PCDHGB7: variants seen among roughly 807,000 people sequenced by gnomAD.
PCDHGB7 encodes the protein protocadherin gamma subfamily B, 7.
PCDHGB7 carries 37 observed loss-of-function variants against 61.4 expected under a neutral mutation model. The ratio of observed to expected loss-of-function variants is 0.60; its 90% CI spans 0.46 to 0.79. The LOEUF (loss-of-function observed/expected upper bound fraction) is 0.79, where lower values mean the gene tolerates loss of function less well. Ranked by LOEUF, PCDHGB7 falls within the 30% of genes least tolerant of loss-of-function variation. PCDHGB7 has a pLI of 0.00. For missense variants in PCDHGB7, 1,166 were observed against 1,202.5 expected (o/e 0.97, Z 0.45); for synonymous variants, 464 against 503.5 (o/e 0.92, Z 1.05).
At chr5:141,423,501 C>T (rs2096747990) in intron 1 of PCDHGB7, 1 of 1,613,990 alleles carries the variant, frequency 6.2e-7, no homozygotes, top group Non-Finnish European at 8.5e-7. Context: ...CCCACGAGGT[C>T]TCTCTCATTG....
chr5:141,433,259 T>C (rs776486704), intron 1 of PCDHGB7: 3 of 1,380,658 alleles, frequency 2.2e-6, no homozygotes, highest in Non-Finnish European at 3.0e-6. Flanking sequence ...AGCGGTACGA[T>C]CATAGCTCAC....
At chr5:141,436,074 G>A (rs1048063491) in intron 1 of PCDHGB7, among the ~76,000 whole-genome samples, 3 of 152,058 alleles carry the variant, frequency 2.0e-5, no homozygotes, top group Non-Finnish European at 4.4e-5. Context: ...TAAGTACAGT[G>A]TTCTATAGGT....
In PCDHGB7 at chr5:141,493,511, T is replaced by G. The variant is rs1203329648; in HGVS notation, c.2416-1296T>G. Among the ~76,000 whole-genome samples the G allele has an allele frequency of 6.6e-6, 1 of 152,094 alleles. No individual in the cohort carries two copies. Reference sequence around the variant, plus strand: ...TCTGTGGCTCCTCATTTCTGAGCAGTCCCCGCAGCGCAAACTTGGCCAGTT... The same window carrying G: ...TCTGTGGCTCCTCATTTCTGAGCAGGCCCCGCAGCGCAAACTTGGCCAGTT... On this transcript the variant is annotated intron_variant, in intron 1 of 3. Coordinates refer to ENST00000398594, the MANE Select transcript of PCDHGB7 (RefSeq NM_018927.4). This position sits in a 1 kb window ranked among gnomAD's most constrained non-coding sequence, Gnocchi z 4.3.
In PCDHGB7 at chr5:141,489,087, T is replaced by A. The variant is rs2099682381; in HGVS notation, c.2416-5720T>A. ...CCCCCTGCCCACCCCCGCCACTCGG[T>A]GACTAAGAACTGCTGCAAGCAGGCA... is the stretch of plus-strand genomic sequence containing the variant. On this transcript the variant is annotated intron_variant, in intron 1 of 3. Coordinates refer to ENST00000398594, the MANE Select transcript of PCDHGB7 (RefSeq NM_018927.4). This position sits in a 1 kb window ranked among gnomAD's most constrained non-coding sequence, Gnocchi z 4.5. The A allele has an allele frequency of 4.6e-6, 1 of 216,106 alleles. No individual in the cohort carries two copies. Among genetic ancestry groups the A allele is most frequent in the Non-Finnish European group, 8.4e-6 (1 of 118,734 alleles). 13.4% of individuals were successfully genotyped at this position (216,106 alleles called of 1,614,324 possible). A position where few individuals can be genotyped will look rare whatever the true frequency, so the allele number is the denominator to read the frequency against.
At chr5:141,482,768 CTGA>C (rs2099572195) in intron 1 of PCDHGB7, among the ~76,000 whole-genome samples, 1 of 126,868 alleles carries the variant, frequency 7.9e-6, no homozygotes, top group Admixed American at 7.7e-5. Flanking sequence ...TTCATTATCA[CTGA>C]ACCTTAAACT....
At chr5:141,457,537 T>A (rs967428207) in intron 1 of PCDHGB7, among the ~76,000 whole-genome samples, 2 of 152,228 alleles carry the variant, frequency 1.3e-5, no homozygotes, top group Admixed American at 6.5e-5. Flanking sequence ...TAGGGTTTAA[T>A]GACAAATGTA....
intron 3 of PCDHGB7, among the ~76,000 whole-genome samples, chr5:141,506,132 G>T (rs114930087): frequency 1.2e-4 from 18 of 152,310 alleles, no homozygotes; most frequent in African/African-American, 4.3e-4. Context: ...CAGAGCAGGA[G>T]AAGAAGAATA....
intron 1 of PCDHGB7, chr5:141,421,412 A>T (rs375885183): frequency 4.3e-6 from 7 of 1,613,962 alleles, no homozygotes; most frequent in Non-Finnish European, 5.9e-6. Context: ...GAGCTGGCGA[A>T]GCGCGGAGTC....
chr5:141,459,843 T>C (rs1328781794), intron 1 of PCDHGB7, among the ~76,000 whole-genome samples: 1 of 152,228 alleles, frequency 6.6e-6, no homozygotes, highest in African/African-American at 2.4e-5. Context: ...TGTCTATTTG[T>C]ATATCTTCTT....
chr5:141,494,749 G>C (rs573811540), intron 1 of PCDHGB7, 58 bp from the exon 2 acceptor site: 3 of 1,612,818 alleles, frequency 1.9e-6, no homozygotes, highest in South Asian at 2.2e-5. Context: ...CTAGGGGCTC[G>C]GGTGACATTC....
chr5:141,419,853 C>A lies in PCDHGB7; in HGVS notation c.1994C>A (p.Ala665Glu), dbSNP rs1327953878. The A allele has an allele frequency of 1.9e-6, 3 of 1,614,072 alleles. No homozygotes were observed. In the Admixed American group the frequency reaches 5.0e-5, roughly 27 times the overall value. The stretch of plus-strand genomic sequence containing the variant: ...ACTGCCACGCTGCACCTGGTGTTCG[C>A]AGATAGCTTGCAAGAGGTACTGCCG... ...SATATLHLVF[A>E]DSLQEVLPDF... Residue 665 changes from alanine to glutamate, a missense_variant, in exon 1 of 4, where the codon GCA becomes GAA. Transcript: ENST00000398594.
At chr5:141,479,740 C>T (rs1434967266) in intron 1 of PCDHGB7, 1 of 152,168 alleles carries the variant, frequency 6.6e-6, no homozygotes, top group Non-Finnish European at 1.5e-5. Context: ...AGTATATGCA[C>T]AATGTGAAAG....
chr5:141,429,547 A>C (rs2097222392), intron 1 of PCDHGB7, among the ~76,000 whole-genome samples: 1 of 152,196 alleles, frequency 6.6e-6, no homozygotes, highest in Non-Finnish European at 1.5e-5. Flanking sequence ...AGAACATGGT[A>C]ATGATTTGAT....
At chr5:141,502,866 C>CTTTTTTTTTTTTTTTT (rs549047197) in intron 2 of PCDHGB7, among the ~76,000 whole-genome samples, 4 of 128,044 alleles carry the variant, frequency 3.1e-5, no homozygotes, top group African/African-American at 3.1e-5. Context: ...GACTCTCTGT[C>CTTTTTTTTTTTTTTTT]TTTTTTTTTT....
chr5:141,471,789 TCATATAAAAGA>T (rs777265354), intron 1 of PCDHGB7, among the ~76,000 whole-genome samples: 14 of 152,224 alleles, frequency 9.2e-5, no homozygotes, highest in Non-Finnish European at 1.9e-4. Flanking sequence ...TTATGCTATG[TCATATAAAAGA>T]CATATAAAAG....
At chr5:141,425,546 A>G (rs2096882460) in intron 1 of PCDHGB7, among the ~76,000 whole-genome samples, 1 of 152,202 alleles carries the variant, frequency 6.6e-6, no homozygotes, top group African/African-American at 2.4e-5. Flanking sequence ...CTTTTCAGAA[A>G]CCTCTTTTAT....
rs761442517 is a variant in PCDHGB7, at chr5:141,417,885, G to T, written c.26G>T (p.Arg9Leu). Residue 9 changes from arginine (R) to leucine (L), a missense_variant, in exon 1 of 4, where the codon CGC becomes CTC. Arg to Leu is a moderately radical substitution (Grantham distance 102). Transcript: ENST00000398594. MGGSCAQR[R>L]RAGPRQVLFP... ...ATGGGAGGGAGCTGCGCGCAGAGGC[G>T]CCGGGCCGGCCCGCGGCAGGTACTA... 6 of 1,562,926 alleles carry T rather than the reference G, an allele frequency of 3.8e-6. No individual in the cohort carries two copies. The highest frequency in any genetic ancestry group is 1.2e-5 in the South Asian group (1 of 85,842).
At chr5:141,449,531 G>A (rs1421489293) in intron 1 of PCDHGB7, among the ~76,000 whole-genome samples, 2 of 149,216 alleles carry the variant, frequency 1.3e-5, no homozygotes, top group Admixed American at 6.7e-5. Flanking sequence ...GGAGGTTGCA[G>A]TGAGCCGAGA....
At chr5:141,457,280 A>G (rs964027392) in intron 1 of PCDHGB7, among the ~76,000 whole-genome samples, 2 of 152,196 alleles carry the variant, frequency 1.3e-5, no homozygotes, top group Admixed American at 1.3e-4. Context: ...TGGGCCTACG[A>G]AGTTCCTTGG....
Sources: gnomAD v4.1 joint callset for allele counts (sites outside exome capture counted in the v4.1 genomes callset) on GRCh38, gnomAD v4.1.1 for gene constraint, Gnocchi (gnomAD v3.1) non-coding constraint, MANE v1.5 for transcripts, NCBI Gene and HGNC (gene_info 2026-07-23, HGNC 2026-07-21) for gene names.